The following IGFBPL1 variants were observed in gnomAD, a reference collection of about 807,000 sequenced individuals.
The protein encoded by IGFBPL1 is insulin-like growth factor-binding protein-like 1.
A neutral mutation model predicts 23.9 loss-of-function variants in IGFBPL1; 20 were observed. The observed-to-expected ratio is 0.84, with a 90% CI of 0.59 to 1.22. The LOEUF is 1.22. Ranked by LOEUF, IGFBPL1 falls within the 50% of genes most tolerant of loss-of-function variation. The pLI, the probability that IGFBPL1 is intolerant of heterozygous loss-of-function variation, is 0.00. For missense variants in IGFBPL1, 436 were observed against 379.3 expected (o/e 1.15, Z -1.24); for synonymous variants, 184 against 171.8 (o/e 1.07, Z -0.56).
rs1821462129 is a variant in IGFBPL1, at chr9:38,408,357, AGTGGAGGTTGCAGT to A, written c.*856_*869del. ...GTGGAACGATCACTCGAGCCCAGAA[AGTGGAGGTTGCAGT>A]GAGCCATGATCACGCCACTGCACTC... On this transcript the variant is annotated 3_prime_UTR_variant, in exon 5 of 5. Coordinates refer to ENST00000377694, the MANE Select transcript of IGFBPL1 (RefSeq NM_001007563.3). Among the ~76,000 whole-genome samples, 1 of 151,788 alleles carries A rather than the reference AGTGGAGGTTGCAGT, an allele frequency of 6.6e-6. No individual in the cohort carries two copies. The highest frequency in any genetic ancestry group is 2.4e-5 in the African/African-American group (1 of 41,342).
At chr9:38,415,940 G>A (rs1012085571) in intron 1 of IGFBPL1, among the ~76,000 whole-genome samples, 3 of 152,138 alleles carry the variant, frequency 2.0e-5, no homozygotes. Context: ...CCTCTGAAGG[G>A]TGGTGCCCAA....
chr9:38,411,254 G>A (rs530713108), intron 4 of IGFBPL1, 137 bp downstream of exon 4: 68 of 675,002 alleles, frequency 1.0e-4, no homozygotes, highest in South Asian at 9.9e-4. Flanking sequence ...ATCTAAGTAT[G>A]TCCCTACTCT....
chr9:38,422,505 G>GA (rs1459525888), intron 1 of IGFBPL1, among the ~76,000 whole-genome samples: 1 of 152,248 alleles, frequency 6.6e-6, no homozygotes, highest in African/African-American at 2.4e-5. Flanking sequence ...CTAGCAAAAG[G>GA]AAAGAGACAG....
chr9:38,418,026 A>G (rs929024738), intron 1 of IGFBPL1, among the ~76,000 whole-genome samples: 1 of 152,200 alleles, frequency 6.6e-6, no homozygotes, highest in Non-Finnish European at 1.5e-5. Context: ...TTCTGAGGAT[A>G]TGGTCGCAGG....
At chr9:38,418,817 A>T (rs560548135) in intron 1 of IGFBPL1, among the ~76,000 whole-genome samples, 34 of 152,134 alleles carry the variant, frequency 2.2e-4, no homozygotes, top group Non-Finnish European at 4.6e-4. Flanking sequence ...CAGGTAAGAC[A>T]GTCACCCAGA....
chr9:38,408,566 T>C lies in IGFBPL1; in HGVS notation c.*661A>G, dbSNP rs2118293138. Among the ~76,000 whole-genome samples the C allele has an allele frequency of 6.6e-6, 1 of 152,328 alleles. No homozygotes were observed. Among genetic ancestry groups the C allele is most frequent in the South Asian group, 2.1e-4 (1 of 4,824 alleles). ...TCCTTCAAAGGGAAAAAGTTAGGAA[T>C]AGAAGAGCTACAGCCAGCTGTCCAC... On this transcript the variant is annotated 3_prime_UTR_variant, in exon 5 of 5. Transcript: ENST00000377694.
At chr9:38,413,036 T>C (rs1821535808) in intron 3 of IGFBPL1, among the ~76,000 whole-genome samples, 1 of 152,200 alleles carries the variant, frequency 6.6e-6, no homozygotes, top group African/African-American at 2.4e-5. Flanking sequence ...TGGACATCAC[T>C]GTGGGGCCAT....
At position 38,407,202 on chromosome 9, in the gene IGFBPL1, A is replaced by G. The variant is rs1261165262; in HGVS notation, c.*2025T>C. 2.6e-5 allele frequency among the ~76,000 whole-genome samples: 4 copies of G among 152,252 alleles called. No homozygotes were observed. The highest frequency in any genetic ancestry group is 4.4e-5 in the Non-Finnish European group (3 of 68,050). On this transcript the variant is annotated 3_prime_UTR_variant, in exon 5 of 5. Transcript: ENST00000377694. ...TGGCAGCTCCAAACCCCAGTAGACA[A>G]GAACAGCTTCCAGTGCCATCCATTT...
At position 38,420,162 on chromosome 9, in the gene IGFBPL1, T is replaced by C. The variant is rs1821659624; in HGVS notation, c.460+3803A>G. On this transcript the variant is annotated intron_variant, in intron 1 of 4. Coordinates refer to ENST00000377694, the MANE Select transcript of IGFBPL1 (RefSeq NM_001007563.3). ...CACCTCAGCCTCCCAAAGTGCAGAA[T>C]GAAGCTTCCCCCTTCGGCCTTGCAC... Among the ~76,000 whole-genome samples, 4 of 152,120 alleles carry C rather than the reference T, an allele frequency of 2.6e-5. No homozygotes were observed. The South Asian group carries it at 8.3e-4, about 31-fold the overall frequency.
At chr9:38,422,518 C>T (rs925616553) in intron 1 of IGFBPL1, among the ~76,000 whole-genome samples, 1 of 152,220 alleles carries the variant, frequency 6.6e-6, no homozygotes, top group Non-Finnish European at 1.5e-5. Context: ...AGAGACAGGA[C>T]TGTTTAAGTG....
chr9:38,423,462 C>T (rs1390761713), intron 1 of IGFBPL1, among the ~76,000 whole-genome samples: 1 of 152,084 alleles, frequency 6.6e-6, no homozygotes, highest in African/African-American at 2.4e-5. Flanking sequence ...CTTCCCACAC[C>T]GGGGGCCCTG....
intron 1 of IGFBPL1, among the ~76,000 whole-genome samples, chr9:38,415,161 A>G (rs1018151861): frequency 1.3e-5 from 2 of 152,210 alleles, no homozygotes; most frequent in Admixed American, 1.3e-4. Context: ...AGGCTGATCT[A>G]ACCATGGAAT....
intron 1 of IGFBPL1, among the ~76,000 whole-genome samples, chr9:38,423,641 A>G (rs565037241): frequency 1.6e-4 from 24 of 152,196 alleles, no homozygotes; most frequent in Non-Finnish European, 2.8e-4. Context: ...GATACCTGGG[A>G]ACTCGGATCC....
In IGFBPL1 at chr9:38,413,227, A is replaced by T; in HGVS notation, c.687+10T>A. On this transcript the variant is annotated intron_variant, in intron 3 of 4. Coordinates refer to ENST00000377694, the MANE Select transcript of IGFBPL1 (RefSeq NM_001007563.3). ...TCAGTCAATAATATCCAATAATCCT[A>T]AACACTCACCAAAATCCAGGCCGTG... 6.5e-7 allele frequency: 1 copy of T among 1,535,002 alleles called. No homozygotes were observed. The highest frequency in any genetic ancestry group is 9.0e-7 in the Non-Finnish European group (1 of 1,108,068).
intron 1 of IGFBPL1, among the ~76,000 whole-genome samples, chr9:38,416,220 A>G (rs1821597902): frequency 6.6e-6 from 1 of 152,218 alleles, no homozygotes; most frequent in Admixed American, 6.5e-5. Flanking sequence ...GGGACTCTCA[A>G]TCAGCCTGGT....
Position 38,424,128 on chromosome 9 carries a change from C to T in IGFBPL1, c.297G>A (p.Ala99=). ...ACACGCAGAGCCCGGTGCCCTCGGG[C>T]GCTGCCCCAGCGGCCTGGCTCGCGC... ...LVCASQAAGA[A]PEGTGLCVCA... is the part of the protein sequence containing the mutation. Residue 99 remains alanine, a synonymous_variant, in exon 1 of 5, where the codon GCG becomes GCA. Coordinates refer to ENST00000377694, the MANE Select transcript of IGFBPL1 (RefSeq NM_001007563.3). 7.9e-7 allele frequency: 1 copy of T among 1,261,636 alleles called. No homozygotes were observed. Among genetic ancestry groups the T allele is most frequent in the Non-Finnish European group, 1.0e-6 (1 of 1,004,112 alleles). 78.2% of individuals were successfully genotyped at this position (1,261,636 alleles called of 1,614,324 possible). A position where few individuals can be genotyped will look rare whatever the true frequency, so the allele number is the denominator to read the frequency against.
At chr9:38,419,610 A>G (rs1821646354) in intron 1 of IGFBPL1, among the ~76,000 whole-genome samples, 1 of 152,114 alleles carries the variant, frequency 6.6e-6, no homozygotes, top group South Asian at 2.1e-4. Context: ...CTAATTTATC[A>G]TTTGAAACAT....
At chr9:38,414,258 C>T in intron 1 of IGFBPL1, 55 bp from the exon 2 acceptor site, 1 of 1,081,830 alleles carries the variant, frequency 9.2e-7, no homozygotes, top group Non-Finnish European at 1.4e-6. Context: ...TCCAAGCAAC[C>T]CACCTCTAAA....
intron 1 of IGFBPL1, among the ~76,000 whole-genome samples, chr9:38,420,368 A>T (rs1034161760): frequency 1.3e-5 from 2 of 152,164 alleles, no homozygotes; most frequent in Admixed American, 1.3e-4. Context: ...CCATCCTTCA[A>T]GGCTTCTCTC....
Sources: gnomAD v4.1 joint callset for allele counts (sites outside exome capture counted in the v4.1 genomes callset) on GRCh38, gnomAD v4.1.1 for gene constraint, MANE v1.5 for transcripts, NCBI Gene and HGNC (gene_info 2026-07-23, HGNC 2026-07-21) for gene names.